DOCK3: variants seen among roughly 807,000 people sequenced by gnomAD.
The protein encoded by DOCK3 is dedicator of cytokinesis protein 3.
In DOCK3, 60 loss-of-function variants were observed where a neutral mutation model predicts 265.6. That is an observed-to-expected ratio of 0.23 (90% confidence interval 0.18 to 0.28). The LOEUF is 0.28. DOCK3 is among the 10% of genes least tolerant of loss of function. DOCK3 has a pLI of 1.00. For synonymous variants in DOCK3, 881 were observed against 938.0 expected (o/e 0.94, Z 1.11); for missense variants, 1,981 against 2,594.3 (o/e 0.76, Z 5.14).
At chr3:50,973,996 T>C (rs1400507920) in intron 5 of DOCK3, among the ~76,000 whole-genome samples, 3 of 149,552 alleles carry the variant, frequency 2.0e-5, no homozygotes, top group Non-Finnish European at 4.5e-5. Context: ...GTTTGTTTTT[T>C]TCTTGTAAAT....
At chr3:51,119,073 G>A (rs2083897194) in intron 9 of DOCK3, among the ~76,000 whole-genome samples, 1 of 152,120 alleles carries the variant, frequency 6.6e-6, no homozygotes, top group African/African-American at 2.4e-5. Flanking sequence ...TAGTGTCCAT[G>A]GTCTTTACAT....
At chr3:50,756,442 C>G (rs1350396452) in intron 1 of DOCK3, among the ~76,000 whole-genome samples, 1 of 152,126 alleles carries the variant, frequency 6.6e-6, no homozygotes, top group African/African-American at 2.4e-5. Context: ...TGTCTACCTA[C>G]TCTAACAGAT....
chr3:50,723,045 A>T lies in DOCK3; in HGVS notation c.37+47745A>T, dbSNP rs564673622. Among the ~76,000 whole-genome samples the T allele has an allele frequency of 3.2e-3, 493 of 152,278 alleles. 2 individuals are homozygous for T. Among genetic ancestry groups the T allele is most frequent in the Non-Finnish European group, 5.3e-3 (360 of 68,010 alleles). On this transcript the variant is annotated intron_variant, in intron 1 of 52. Coordinates refer to ENST00000266037, the MANE Select transcript of DOCK3 (RefSeq NM_004947.5). ...TGTCCTGGCCCCCAAAGTTCAGGGA[A>T]TACAGACGTGGACCACCATGCCTGG...
chr3:51,158,536 T>C (rs2085970719), intron 10 of DOCK3, among the ~76,000 whole-genome samples: 1 of 152,112 alleles, frequency 6.6e-6, no homozygotes, highest in Non-Finnish European at 1.5e-5. Flanking sequence ...GAGCAAGATC[T>C]TGTTTTTTAA....
At chr3:50,730,182 C>A (rs1282502405) in intron 1 of DOCK3, among the ~76,000 whole-genome samples, 3 of 152,138 alleles carry the variant, frequency 2.0e-5, no homozygotes, top group Non-Finnish European at 2.9e-5. Flanking sequence ...CACTCTGTCA[C>A]CCAGGCTGGA....
At chr3:51,309,286 T>G (rs535275278) in intron 27 of DOCK3, among the ~76,000 whole-genome samples, 2 of 152,346 alleles carry the variant, frequency 1.3e-5, no homozygotes, top group East Asian at 3.9e-4. Context: ...CACTCCAGCC[T>G]GGGCACCATT....
chr3:51,000,074 A>G (rs2078421125), intron 5 of DOCK3, among the ~76,000 whole-genome samples: 2 of 152,176 alleles, frequency 1.3e-5, no homozygotes, highest in Non-Finnish European at 2.9e-5. Context: ...CTTAGCATGT[A>G]TATGGCTTTC....
Position 51,079,089 on chromosome 3 carries a change from G to A in DOCK3, c.549+3649G>A, listed in dbSNP as rs370469768. ...AAAAGAATATCCTTTTAGATTTTGT[G>A]TTAACATGTAAATCTATTACTGGAA... On this transcript the variant is annotated intron_variant, in intron 7 of 52. Transcript: ENST00000266037. Among the ~76,000 whole-genome samples, 5 of 152,200 alleles carry A rather than the reference G, an allele frequency of 3.3e-5. No individual in the cohort carries two copies. The South Asian group carries it at 6.2e-4, about 19-fold the overall frequency.
chr3:51,315,806 C>A (rs1357475651), intron 32 of DOCK3, among the ~76,000 whole-genome samples: 1 of 152,022 alleles, frequency 6.6e-6, no homozygotes, highest in East Asian at 1.9e-4. Flanking sequence ...GATTTTCTCT[C>A]TTGGCAGATG....
intron 9 of DOCK3, among the ~76,000 whole-genome samples, chr3:51,126,640 G>A (rs924529576): frequency 2.6e-5 from 4 of 152,170 alleles, no homozygotes; most frequent in African/African-American, 9.7e-5. Context: ...TCATCTACAT[G>A]CTTGTTATTG....
At chr3:51,270,395 G>A (rs540207833) in intron 23 of DOCK3, among the ~76,000 whole-genome samples, 1 of 152,300 alleles carries the variant, frequency 6.6e-6, no homozygotes, top group African/African-American at 2.4e-5. Flanking sequence ...CTGCTTGAAG[G>A]AACTCAGCTC....
chr3:51,255,111 C>A (rs1194204041), intron 22 of DOCK3, among the ~76,000 whole-genome samples: 6 of 152,202 alleles, frequency 3.9e-5, no homozygotes, highest in African/African-American at 1.4e-4. Context: ...GATTTTATTT[C>A]TCTTTCACTT....
At chr3:50,709,497 A>C (rs990721499) in intron 1 of DOCK3, among the ~76,000 whole-genome samples, 1 of 151,936 alleles carries the variant, frequency 6.6e-6, no homozygotes, top group African/African-American at 2.4e-5. Flanking sequence ...TCAGTCCTTC[A>C]CCATTAATTA....
At chr3:51,136,121 CTAAT>C (rs2107072367) in intron 9 of DOCK3, among the ~76,000 whole-genome samples, 1 of 152,280 alleles carries the variant, frequency 6.6e-6, no homozygotes, top group African/African-American at 2.4e-5. Flanking sequence ...TTCTTCATCT[CTAAT>C]TACCCCTTAC....
At chr3:51,093,896 G>A (rs188556978) in intron 9 of DOCK3, among the ~76,000 whole-genome samples, 7 of 152,096 alleles carry the variant, frequency 4.6e-5, no homozygotes, top group South Asian at 2.1e-4. Context: ...TAATTTTATC[G>A]AAGGCCTTTT....
intron 1 of DOCK3, among the ~76,000 whole-genome samples, chr3:50,734,602 G>GGTT (rs1553642737): frequency 9.3e-6 from 1 of 107,372 alleles, no homozygotes; most frequent in African/African-American, 3.7e-5. Context: ...TTTACAGTGA[G>GGTT]TTTTTTTTTT....
At chr3:50,841,905 G>A (rs985243160) in intron 3 of DOCK3, among the ~76,000 whole-genome samples, 190 bp downstream of exon 3, 2 of 151,560 alleles carry the variant, frequency 1.3e-5, no homozygotes, top group African/African-American at 2.4e-5. Context: ...GAAAGGACAG[G>A]AAATGCAAAT....
At chr3:50,726,723 A>G (rs2037855100) in intron 1 of DOCK3, among the ~76,000 whole-genome samples, 1 of 152,224 alleles carries the variant, frequency 6.6e-6, no homozygotes, top group South Asian at 2.1e-4. Flanking sequence ...TTTACTCTTT[A>G]CAAAACTAGT....
intron 1 of DOCK3, among the ~76,000 whole-genome samples, chr3:50,769,283 G>A (rs2041119307): frequency 6.6e-6 from 1 of 151,836 alleles, no homozygotes; most frequent in Non-Finnish European, 1.5e-5. Context: ...GTTATGAATT[G>A]TTTCTCCTAT....
Sources: gnomAD v4.1 joint callset for allele counts (sites outside exome capture counted in the v4.1 genomes callset) on GRCh38, gnomAD v4.1.1 for gene constraint, MANE v1.5 for transcripts, NCBI Gene and HGNC (gene_info 2026-07-23, HGNC 2026-07-21) for gene names.